NIPAL2: variants seen among roughly 807,000 people sequenced by gnomAD.
NIPAL2 encodes NIPA-like protein 2.
NIPAL2 carries 43 observed loss-of-function variants against 48.9 expected under a neutral mutation model. That is an observed-to-expected ratio of 0.88 (90% confidence interval 0.69 to 1.13). The LOEUF is 1.13. Ranked by LOEUF, NIPAL2 falls within the 50% of genes most tolerant of loss-of-function variation. The pLI, the probability that NIPAL2 is intolerant of heterozygous loss-of-function variation, is 0.00. For missense variants in NIPAL2, 446 were observed against 461.4 expected, an observed-to-expected ratio of 0.97 and a Z score of 0.31; for synonymous variants, 167 against 174.6, an observed-to-expected ratio of 0.96 and a Z score of 0.34.
At chr8:98,217,805 T>G (rs1202129804) in intron 5 of NIPAL2, among the ~76,000 whole-genome samples, 1 of 152,232 alleles carries the variant, frequency 6.6e-6, no homozygotes, top group Non-Finnish European at 1.5e-5. Flanking sequence ...TACATTTTTC[T>G]CTGTGGCATT....
chr8:98,289,404 G>T (rs983932336), intron 1 of NIPAL2, among the ~76,000 whole-genome samples: 1 of 152,044 alleles, frequency 6.6e-6, no homozygotes, highest in South Asian at 2.1e-4. Context: ...TTAAAACTCA[G>T]TTCCTCTAAC....
rs564179004 is a variant in NIPAL2 at position 98,226,328 on chromosome 8, G to A, written c.437-3728C>T. ...GAGTTAGATATTTATTGTAGTCTTT[G>A]CAGTCAGGGCTTGTTTGTACCCATC... On this transcript the variant is annotated intron_variant, in intron 4 of 10. Transcript: ENST00000430223. Among the ~76,000 whole-genome samples the A allele has an allele frequency of 5.5e-3, 836 of 152,154 alleles. 5 individuals are homozygous for A. The highest frequency in any genetic ancestry group is 0.018 in the African/African-American group (766 of 41,512).
intron 1 of NIPAL2, among the ~76,000 whole-genome samples, chr8:98,256,478 A>C (rs1813899459): frequency 6.6e-6 from 1 of 152,210 alleles, no homozygotes. Flanking sequence ...CTGATTAAAA[A>C]ATGGGCAAAG....
At chr8:98,260,731 T>G (rs1168474838) in intron 1 of NIPAL2, among the ~76,000 whole-genome samples, 1 of 152,130 alleles carries the variant, frequency 6.6e-6, no homozygotes, top group South Asian at 2.1e-4. Context: ...CAGGCTTGAT[T>G]AGGTAAACAA....
Position 98,243,893 on chromosome 8 carries a change from A to T in NIPAL2, c.377-7679T>A, listed in dbSNP as rs188537290. Among the ~76,000 whole-genome samples, 4 of 152,332 alleles carry T rather than the reference A, an allele frequency of 2.6e-5. No homozygotes were observed. The East Asian group carries it at 7.7e-4, about 29-fold the overall frequency. ...TTTATTTAAACTCTCTTCCCCTAAA[A>T]TAATAATTTTTTATTAAAAGCTTAA... On this transcript the variant is annotated intron_variant, in intron 3 of 10. Transcript: ENST00000430223.
intron 6 of NIPAL2, among the ~76,000 whole-genome samples, chr8:98,207,652 G>A (rs1334746799): frequency 6.6e-6 from 1 of 152,070 alleles, no homozygotes; most frequent in Non-Finnish European, 1.5e-5. Context: ...ATGTGGGAAA[G>A]CCTGGAAAGG....
chr8:98,237,331 C>T (rs566666421), intron 3 of NIPAL2, among the ~76,000 whole-genome samples: 1 of 152,000 alleles, frequency 6.6e-6, no homozygotes, highest in Non-Finnish European at 1.5e-5. Flanking sequence ...GGATTACAGG[C>T]GTAATCCACC....
chr8:98,221,915 C>T (rs1811906095), intron 5 of NIPAL2, among the ~76,000 whole-genome samples: 1 of 152,234 alleles, frequency 6.6e-6, no homozygotes, highest in Admixed American at 6.5e-5. Flanking sequence ...ACCATTTGAC[C>T]CAGCAATCCC....
At position 98,193,195 on chromosome 8, in the gene NIPAL2, C is replaced by T. The variant is rs3735886; in HGVS notation, c.1040-105G>A. On this transcript the variant is annotated intron_variant, in intron 10 of 10. Coordinates refer to ENST00000430223, the MANE Select transcript of NIPAL2 (RefSeq NM_001321635.2). ...CACATTTTATCACCTCTCTTTTATA[C>T]TATGTGGGCACTCTCTAAAGAGAAG... 55 of 1,070,702 alleles carry T rather than the reference C, an allele frequency of 5.1e-5. 1 individual carries two copies. The highest frequency in any genetic ancestry group is 7.2e-5 in the Non-Finnish European group (50 of 698,088). The allele number at this position is 1,070,702 out of a possible 1,614,324, so 66.3% of individuals were successfully genotyped here.
intron 1 of NIPAL2, among the ~76,000 whole-genome samples, chr8:98,272,343 A>G (rs1282305765): frequency 1.3e-5 from 2 of 152,154 alleles, no homozygotes; most frequent in Non-Finnish European, 1.5e-5. Context: ...TGCATCCCCA[A>G]TAATGGAACT....
At chr8:98,259,247 T>A (rs552428228) in intron 1 of NIPAL2, among the ~76,000 whole-genome samples, 28 of 150,906 alleles carry the variant, frequency 1.9e-4, no homozygotes, top group African/African-American at 6.8e-4. Context: ...CGGCTAATTT[T>A]TGTATTTTTA....
At chr8:98,267,366 C>G (rs542336091) in intron 1 of NIPAL2, among the ~76,000 whole-genome samples, 1 of 151,466 alleles carries the variant, frequency 6.6e-6, no homozygotes, top group South Asian at 2.1e-4. Context: ...CTTTGTTGCC[C>G]AAGGTGGGGT....
At chr8:98,281,139 A>C (rs1481421925) in intron 1 of NIPAL2, among the ~76,000 whole-genome samples, 1 of 152,126 alleles carries the variant, frequency 6.6e-6, no homozygotes, top group Admixed American at 6.5e-5. Flanking sequence ...AGGACATGAA[A>C]TGAAAGTGAT....
chr8:98,199,776 T>C (rs1169253678), intron 8 of NIPAL2, among the ~76,000 whole-genome samples: 2 of 152,224 alleles, frequency 1.3e-5, no homozygotes, highest in African/African-American at 4.8e-5. Context: ...GATGCAGGAT[T>C]ATCACAAACC....
intron 4 of NIPAL2, among the ~76,000 whole-genome samples, chr8:98,227,904 C>A (rs1483230247): frequency 6.6e-6 from 1 of 152,212 alleles, no homozygotes; most frequent in East Asian, 1.9e-4. Context: ...CCCACAGTGG[C>A]AAGGCTTGCC....
intron 3 of NIPAL2, among the ~76,000 whole-genome samples, chr8:98,247,193 T>G (rs1038055629): frequency 2.0e-5 from 3 of 152,224 alleles, no homozygotes. Flanking sequence ...TGAAATCTTT[T>G]AAGCAAGTAT....
At chr8:98,199,816 G>C (rs1810721661) in intron 8 of NIPAL2, among the ~76,000 whole-genome samples, 1 of 152,122 alleles carries the variant, frequency 6.6e-6, no homozygotes, top group Admixed American at 6.5e-5. Context: ...AATATCTGCA[G>C]AGCACAATAA....
intron 6 of NIPAL2, among the ~76,000 whole-genome samples, chr8:98,211,986 C>T (rs1256645320): frequency 6.6e-6 from 1 of 152,068 alleles, no homozygotes; most frequent in African/African-American, 2.4e-5. Flanking sequence ...AATCATACTG[C>T]TTACATCTAC....
At chr8:98,239,641 T>G (rs1049479569) in intron 3 of NIPAL2, among the ~76,000 whole-genome samples, 4 of 152,166 alleles carry the variant, frequency 2.6e-5, no homozygotes, top group African/African-American at 4.8e-5. Context: ...ACTTCCACAT[T>G]CAGCCAATAA....
Sources: allele counts gnomAD v4.1 joint callset (sites outside exome capture counted in the v4.1 genomes callset), GRCh38; gene constraint gnomAD v4.1.1; transcripts MANE v1.5; gene names NCBI Gene and HGNC (gene_info 2026-07-23, HGNC 2026-07-21).